The following FILIP1 variants were observed in gnomAD, a reference collection of about 807,000 sequenced individuals.
FILIP1 encodes the protein filamin A interacting protein 1, also known as filamin-A-interacting protein 1.
In FILIP1, 61 loss-of-function variants were observed where a neutral mutation model predicts 102.1. The ratio of observed to expected loss-of-function variants is 0.60; its 90% CI spans 0.49 to 0.74. The LOEUF (loss-of-function observed/expected upper bound fraction) is 0.74, where lower values mean the gene tolerates loss of function less well. FILIP1 is among the 30% of genes least tolerant of loss of function. FILIP1 has a pLI of 0.00. For synonymous variants in FILIP1, 491 were observed against 526.9 expected (o/e 0.93, Z 0.93); for missense variants, 1,314 against 1,441.2 (o/e 0.91, Z 1.43).
intron 1 of FILIP1, among the ~76,000 whole-genome samples, chr6:75,442,480 A>G (rs1778298900): frequency 6.6e-6 from 1 of 152,208 alleles, no homozygotes; most frequent in Non-Finnish European, 1.5e-5. Context: ...CACTGAGTGA[A>G]CCAGACTCCG....
intron 1 of FILIP1, among the ~76,000 whole-genome samples, chr6:75,468,967 G>A (rs1322119425): frequency 1.3e-5 from 2 of 151,870 alleles, no homozygotes; most frequent in African/African-American, 4.8e-5. Context: ...GAATGAAAAT[G>A]AAACATGAAG....
chr6:75,320,276 G>T (rs144515299), intron 4 of FILIP1, among the ~76,000 whole-genome samples: 2 of 152,288 alleles, frequency 1.3e-5, no homozygotes, highest in African/African-American at 4.8e-5. Context: ...AAATCTGTAG[G>T]CTGGGAGCGG....
At chr6:75,354,334 A>T (rs1160693365) in intron 3 of FILIP1, among the ~76,000 whole-genome samples, 1 of 152,190 alleles carries the variant, frequency 6.6e-6, no homozygotes, top group Non-Finnish European at 1.5e-5. Flanking sequence ...GCACGTGGGG[A>T]GGCTGAGGCA....
intron 6 of FILIP1, chr6:75,296,788 T>C (rs946099488): frequency 2.6e-5 from 4 of 152,012 alleles, no homozygotes; most frequent in East Asian, 3.8e-4. Context: ...TTTATTCTTA[T>C]AAAAATAAAT....
intron 4 of FILIP1, among the ~76,000 whole-genome samples, chr6:75,329,234 T>A (rs1689046973): frequency 6.6e-6 from 1 of 152,248 alleles, no homozygotes; most frequent in Non-Finnish European, 1.5e-5. Context: ...GACATCTGCC[T>A]GTATTCATTC....
At chr6:75,350,981 C>T (rs977239131) in intron 4 of FILIP1, among the ~76,000 whole-genome samples, 1 of 152,210 alleles carries the variant, frequency 6.6e-6, no homozygotes, top group African/African-American at 2.4e-5. Context: ...AGCCTTGTGC[C>T]ACATAACGAC....
intron 1 of FILIP1, among the ~76,000 whole-genome samples, chr6:75,460,265 A>G (rs566311657): frequency 6.6e-6 from 1 of 152,348 alleles, no homozygotes; most frequent in South Asian, 2.1e-4. Flanking sequence ...GTCTCAGCAA[A>G]TATATGAAGA....
chr6:75,375,155 G>T (rs1164694787), intron 2 of FILIP1, among the ~76,000 whole-genome samples: 1 of 152,216 alleles, frequency 6.6e-6, no homozygotes, highest in Non-Finnish European at 1.5e-5. Flanking sequence ...CACCCCCATC[G>T]GCCCTTGCCT....
At chr6:75,344,790 T>TA (rs775629660) in intron 4 of FILIP1, among the ~76,000 whole-genome samples, 8 of 152,204 alleles carry the variant, frequency 5.3e-5, no homozygotes, top group Non-Finnish European at 1.0e-4. Context: ...ATCAGGAACT[T>TA]AAGAGTTTCA....
chr6:75,298,056 T>G (rs1441101599), intron 6 of FILIP1, among the ~76,000 whole-genome samples: 6 of 152,144 alleles, frequency 3.9e-5, no homozygotes, highest in Non-Finnish European at 5.9e-5. Flanking sequence ...CCTAGCATTT[T>G]GCACAACTTA....
At position 75,442,158 on chromosome 6, in the gene FILIP1, T is replaced by C. The variant is rs1329446900; in HGVS notation, c.-6-27180A>G. On this transcript the variant is annotated intron_variant, in intron 1 of 5. Transcript: ENST00000237172. ...CGCTCCCCACAGCTCAGACAATGGGTGGCCGGGCAGAGACGCTCCTCACTT... is the reference window on the plus strand; with the variant it reads ...CGCTCCCCACAGCTCAGACAATGGGCGGCCGGGCAGAGACGCTCCTCACTT... Among the ~76,000 whole-genome samples the C allele has an allele frequency of 7.4e-5, 11 of 148,528 alleles. No homozygotes were observed. The South Asian group carries it at 1.9e-3, about 26-fold the overall frequency.
At chr6:75,355,065 C>A (rs979544435) in intron 3 of FILIP1, among the ~76,000 whole-genome samples, 1 of 152,042 alleles carries the variant, frequency 6.6e-6, no homozygotes, top group Admixed American at 6.6e-5. Context: ...GAGGCGGAGG[C>A]GTGTGGATTG....
intron 1 of FILIP1, among the ~76,000 whole-genome samples, chr6:75,418,055 G>A (rs1376930266): frequency 6.6e-6 from 1 of 152,166 alleles, no homozygotes; most frequent in Non-Finnish European, 1.5e-5. Context: ...AAAATTAGCT[G>A]GGCATGGTGG....
intron 1 of FILIP1, among the ~76,000 whole-genome samples, chr6:75,465,786 A>C (rs1779144733): frequency 6.6e-6 from 1 of 152,170 alleles, no homozygotes; most frequent in South Asian, 2.1e-4. Context: ...AAAACCAAAA[A>C]ACCCAAAAAC....
At chr6:75,438,567 T>G (rs1255489739) in intron 1 of FILIP1, among the ~76,000 whole-genome samples, 1 of 152,120 alleles carries the variant, frequency 6.6e-6, no homozygotes, top group Non-Finnish European at 1.5e-5. Context: ...TTGTAACCCC[T>G]GCAGCAATTA....
Position 75,404,290 on chromosome 6 carries a change from A to G in FILIP1, c.276+10407T>C, listed in dbSNP as rs78736905. ...TGCCGTACCAGAAACCCTAAATGCA[A>G]ATAGCTCAAATTCCAGTTTTTCCAG... is the stretch of plus-strand genomic sequence containing the variant. On this transcript the variant is annotated intron_variant, in intron 2 of 5. Transcript: ENST00000237172. Among the ~76,000 whole-genome samples, 735 of 152,218 alleles carry G rather than the reference A, an allele frequency of 4.8e-3. 5 individuals are homozygous for G. Among genetic ancestry groups the G allele is most frequent in the African/African-American group, 0.017 (697 of 41,538 alleles).
chr6:75,491,448 A>T (rs1779954150), intron 1 of FILIP1, among the ~76,000 whole-genome samples: 1 of 152,164 alleles, frequency 6.6e-6, no homozygotes, highest in Non-Finnish European at 1.5e-5. Flanking sequence ...TGAAGAGTAG[A>T]TAGACAAACA....
chr6:75,424,272 T>C lies in FILIP1; in HGVS notation c.-6-9294A>G, dbSNP rs140297944. The stretch of plus-strand genomic sequence containing the variant: ...CACCTTGTCATGGGCTGAAATAAGT[T>C]TAGTCACAGGGCATAGCATCCCCCA... On this transcript the variant is annotated intron_variant, in intron 1 of 5. Transcript: ENST00000237172. Among the ~76,000 whole-genome samples, 36 of 152,276 alleles carry C rather than the reference T, an allele frequency of 2.4e-4. No individual in the cohort carries two copies. The East Asian group carries it at 6.4e-3, about 27-fold the overall frequency.
intron 2 of FILIP1, among the ~76,000 whole-genome samples, chr6:75,381,376 C>T (rs1423984229): frequency 2.0e-5 from 3 of 152,088 alleles, no homozygotes; most frequent in East Asian, 1.9e-4. Context: ...ATTACAGGCG[C>T]GTGCCACCAC....
Sources: allele counts gnomAD v4.1 joint callset (sites outside exome capture counted in the v4.1 genomes callset), GRCh38; gene constraint gnomAD v4.1.1; transcripts MANE v1.5; gene names NCBI Gene and HGNC (gene_info 2026-07-23, HGNC 2026-07-21).